Variants in WDPCP observed in about 807,000 individuals in gnomAD.
WDPCP encodes the protein WD repeat-containing and planar cell polarity effector protein fritz homolog.
In WDPCP, 71 loss-of-function variants were observed where a neutral mutation model predicts 93.1. The observed-to-expected ratio is 0.76, with a 90% CI of 0.63 to 0.93. WDPCP has a LOEUF of 0.93. Ranked by LOEUF, WDPCP falls within the 40% of genes least tolerant of loss-of-function variation. The pLI, the probability that WDPCP is intolerant of heterozygous loss-of-function variation, is 0.00. For missense variants in WDPCP, 844 were observed against 887.4 expected (o/e 0.95, Z 0.62); for synonymous variants, 315 against 315.0 (o/e 1.00, Z 0.00).
At position 63,793,414 on chromosome 2, in the gene WDPCP, C is replaced by T. The variant is rs970959850; in HGVS notation, n.308+20208G>A. 4.6e-5 allele frequency among the ~76,000 whole-genome samples: 7 copies of T among 152,212 alleles called. No individual in the cohort carries two copies. In the East Asian group the frequency reaches 5.8e-4, roughly 13 times the overall value. ...CTTGAGGTCAGGAGTTCAAGACCAA[C>T]GTGAGCAAAATAGCAAGATCCCATC... On this transcript the variant is annotated intron_variant and non_coding_transcript_variant, in intron 2 of 4. Transcript: ENST00000467687.
intron 1 of WDPCP, chr2:63,518,153 G>A (rs1033707695): frequency 6.6e-6 from 1 of 152,284 alleles, no homozygotes; most frequent in African/African-American, 2.4e-5. Context: ...CTCCCAAAGT[G>A]CTGGGATTAT....
chr2:63,288,245 C>A (rs1291928424), intron 13 of WDPCP, among the ~76,000 whole-genome samples: 2 of 152,212 alleles, frequency 1.3e-5, no homozygotes, highest in African/African-American at 2.4e-5. Context: ...AAGGCATACT[C>A]ATCCTCATGC....
chr2:63,657,637 G>C (rs2106634858), intron 2 of WDPCP, among the ~76,000 whole-genome samples: 1 of 152,316 alleles, frequency 6.6e-6, no homozygotes, highest in African/African-American at 2.4e-5. Flanking sequence ...AGGTGGTGCA[G>C]GTGGTGGTAA....
intron 1 of WDPCP, among the ~76,000 whole-genome samples, chr2:63,575,489 A>ACAGTATATACAGTGTGTGCACT (rs1257278044): frequency 5.8e-5 from 1 of 17,306 alleles, no homozygotes; most frequent in Non-Finnish European, 1.3e-4. Context: ...GTGTATATAT[A>ACAGTATATACAGTGTGTGCACT]GTATATACAG....
chr2:63,502,500 T>G (rs74671163), intron 1 of WDPCP, among the ~76,000 whole-genome samples: 1 of 152,212 alleles, frequency 6.6e-6, no homozygotes, highest in Non-Finnish European at 1.5e-5. Context: ...AAGTTTTAAG[T>G]TGTTGCCAAC....
chr2:63,589,358 G>T (rs1192281275), upstream of WDPCP: 1 of 1,550,614 alleles, frequency 6.4e-7, no homozygotes, highest in South Asian at 1.2e-5. Context: ...TCCAAAGGAC[G>T]TTACGGTGTT....
chr2:63,742,169 T>C (rs1669727123), intron 2 of WDPCP, among the ~76,000 whole-genome samples: 1 of 151,828 alleles, frequency 6.6e-6, no homozygotes, highest in East Asian at 1.9e-4. Flanking sequence ...CTTATTACAG[T>C]GTAAGTGTTT....
At chr2:63,624,825 T>C (rs1167676474) in intron 3 of WDPCP, among the ~76,000 whole-genome samples, 1 of 152,214 alleles carries the variant, frequency 6.6e-6, no homozygotes, top group African/African-American at 2.4e-5. Flanking sequence ...CCCTAACTCA[T>C]TTTATGAGGC....
Position 63,532,024 on chromosome 2 carries a change from G to T in WDPCP, c.76-39084C>A, listed in dbSNP as rs1182307025. On this transcript the variant is annotated intron_variant, in intron 1 of 17. Transcript: ENST00000272321. Reference sequence around the variant, plus strand: ...GCATAGAGAAGACCTTAAATGACCTGATGGGGCTGAAAACCATGGCACGAG... The same window carrying T: ...GCATAGAGAAGACCTTAAATGACCTTATGGGGCTGAAAACCATGGCACGAG... Among the ~76,000 whole-genome samples, 4 of 152,282 alleles carry T rather than the reference G, an allele frequency of 2.6e-5. No individual in the cohort carries two copies. In the East Asian group the frequency reaches 7.7e-4, roughly 29 times the overall value.
chr2:63,527,235 TTTTAC>T (rs756388063), intron 1 of WDPCP, among the ~76,000 whole-genome samples: 3 of 151,934 alleles, frequency 2.0e-5, no homozygotes, highest in Non-Finnish European at 2.9e-5. Context: ...TTTTTTTTTT[TTTTAC>T]TTTAAGTTCT....
At chr2:63,834,679 A>C in the WDPCP span, among the ~76,000 whole-genome samples, 1 of 152,300 alleles carries the variant, frequency 6.6e-6, no homozygotes, top group East Asian at 1.9e-4. Context: ...AAAACATCTA[A>C]TAATTCCACA....
At chr2:63,774,027 T>C (rs928846054) in intron 2 of WDPCP, among the ~76,000 whole-genome samples, 1 of 152,094 alleles carries the variant, frequency 6.6e-6, no homozygotes, top group African/African-American at 2.4e-5. Context: ...TATAAAATAT[T>C]TGAAAAGTCT....
intron 2 of WDPCP, among the ~76,000 whole-genome samples, chr2:63,712,292 A>G (rs1453084781): frequency 2.0e-5 from 3 of 152,234 alleles, no homozygotes; most frequent in Non-Finnish European, 4.4e-5. Flanking sequence ...TTATCCAAAA[A>G]TATTGCCATG....
chr2:63,160,406 T>C (rs1485199842), intron 15 of WDPCP, among the ~76,000 whole-genome samples: 1 of 152,204 alleles, frequency 6.6e-6, no homozygotes, highest in African/African-American at 2.4e-5. Flanking sequence ...GCTTTTGTTA[T>C]ATGTTGCTAA....
At chr2:63,248,454 G>A (rs1680459804) in intron 14 of WDPCP, among the ~76,000 whole-genome samples, 1 of 151,964 alleles carries the variant, frequency 6.6e-6, no homozygotes. Context: ...TTACATTTGT[G>A]GATCCATGTA....
At chr2:63,802,883 T>C (rs1670716665) in intron 2 of WDPCP, among the ~76,000 whole-genome samples, 2 of 152,226 alleles carry the variant, frequency 1.3e-5, no homozygotes, top group Non-Finnish European at 2.9e-5. Context: ...TCTACACATA[T>C]AGCTTGGGGC....
intron 1 of WDPCP, among the ~76,000 whole-genome samples, chr2:63,534,007 C>A (rs1187932808): frequency 7.3e-5 from 11 of 151,288 alleles, no homozygotes; most frequent in African/African-American, 2.4e-4. Context: ...CAAATAGATG[C>A]AAAAAAAATG....
intron 7 of WDPCP, 146 bp downstream of exon 7, chr2:63,439,611 C>T (rs780693639): frequency 4.8e-6 from 3 of 630,490 alleles, no homozygotes; most frequent in Middle Eastern, 4.3e-4. Flanking sequence ...TTGTATTGGT[C>T]CCAGGGGGTG....
intron 13 of WDPCP, among the ~76,000 whole-genome samples, chr2:63,281,327 A>T (rs539908217): frequency 1.6e-4 from 24 of 152,248 alleles, no homozygotes; most frequent in African/African-American, 4.6e-4. Flanking sequence ...AGAATTTTTT[A>T]AAAAAATGTT....
Sources: gnomAD v4.1 joint callset for allele counts (sites outside exome capture counted in the v4.1 genomes callset) on GRCh38, gnomAD v4.1.1 for gene constraint, MANE v1.5 for transcripts, NCBI Gene and HGNC (gene_info 2026-07-23, HGNC 2026-07-21) for gene names.